Variants in STK10 observed in about 807,000 individuals in gnomAD.
STK10 encodes serine/threonine-protein kinase 10.
A neutral mutation model predicts 113.8 loss-of-function variants in STK10; 78 were observed. The observed-to-expected ratio is 0.69, with a 90% CI of 0.57 to 0.83. The LOEUF (loss-of-function observed/expected upper bound fraction) is 0.83. Ranked by LOEUF, STK10 falls within the 40% of genes least tolerant of loss-of-function variation. The probability of loss-of-function intolerance (pLI) is 0.00; values close to 1 mark genes in which losing one functional copy is unlikely to be tolerated. For synonymous variants in STK10, 465 were observed against 494.7 expected, an observed-to-expected ratio of 0.94 and a Z score of 0.80; for missense variants, 1,109 against 1,280.1, an observed-to-expected ratio of 0.87 and a Z score of 2.04.
chr5:172,106,817 G>C lies in STK10; in HGVS notation c.594-3C>G, dbSNP rs1561810340. The stretch of plus-strand genomic sequence containing the variant: ...ACATGACCACCTCGGGGGCCATCCT[G>C]AACCAACCAAGGGACAACATAGGGC... On this transcript the variant is annotated splice_region_variant and splice_polypyrimidine_tract_variant and intron_variant, in intron 5 of 18. Transcript: ENST00000176763. 6.2e-7 allele frequency: 1 copy of C among 1,613,452 alleles called. No individual in the cohort carries two copies.
chr5:172,154,258 C>T (rs1260332663), intron 2 of STK10, among the ~76,000 whole-genome samples: 1 of 152,188 alleles, frequency 6.6e-6, no homozygotes, highest in Non-Finnish European at 1.5e-5. Flanking sequence ...GTGTGCTGAT[C>T]CAAGGGTTGT....
At chr5:172,097,634 G>A (rs1233339655) in intron 7 of STK10, among the ~76,000 whole-genome samples, 1 of 152,164 alleles carries the variant, frequency 6.6e-6, no homozygotes, top group Non-Finnish European at 1.5e-5. Flanking sequence ...TATGACTACG[G>A]CACAGTTTGT....
chr5:172,071,045 T>G (rs1768167027), intron 12 of STK10, among the ~76,000 whole-genome samples: 1 of 150,980 alleles, frequency 6.6e-6, no homozygotes, highest in Non-Finnish European at 1.5e-5. Flanking sequence ...CCATGTCTAC[T>G]AAAAATACAA....
chr5:172,054,635 G>T lies in STK10; in HGVS notation c.2586C>A (p.His862Gln). 2 of 1,611,066 alleles carry T rather than the reference G, an allele frequency of 1.2e-6. No homozygotes were observed. Among genetic ancestry groups the T allele is most frequent in the Non-Finnish European group, 1.7e-6 (2 of 1,179,868 alleles). ...CCAGCATGTCCCGCATCTGGTTCTC[G>T]TGTTTCTGCTGTTGCTGCAGCCGCT... ...KSERLQQQQKHENQMRDMLAQ... is the reference protein window; with the variant it reads ...KSERLQQQQKQENQMRDMLAQ... The change falls in exon 17 of 19, where the codon CAC (histidine) becomes CAA (glutamine). Residue 862 changes from histidine to glutamine, a missense_variant. Around this residue, in one of 5 missense-constraint regions of STK10, gnomAD observed 885 missense variants for 991.1 expected, o/e 0.89. Coordinates refer to ENST00000176763, the MANE Select transcript of STK10 (RefSeq NM_005990.4).
chr5:172,141,848 G>A (rs1277268246), intron 2 of STK10, among the ~76,000 whole-genome samples: 1 of 152,202 alleles, frequency 6.6e-6, no homozygotes, highest in Non-Finnish European at 1.5e-5. Flanking sequence ...CTGGACACCT[G>A]TGTTCCATGA....
intron 2 of STK10, among the ~76,000 whole-genome samples, chr5:172,144,592 T>C (rs901044199): frequency 2.0e-5 from 3 of 151,458 alleles, no homozygotes; most frequent in Admixed American, 1.3e-4. Flanking sequence ...CTAGGCAGCC[T>C]ACACCCCCAG....
chr5:172,055,454 T>C, intron 16 of STK10, 134 bp downstream of exon 16: 2 of 957,978 alleles, frequency 2.1e-6, no homozygotes, highest in Non-Finnish European at 2.7e-6. Flanking sequence ...CCTCTCAAAG[T>C]GTTGGGATTA....
In STK10 at chr5:172,103,104, G is replaced by T. The variant is rs116775937; in HGVS notation, c.870+2552C>A. Among the ~76,000 whole-genome samples the T allele has an allele frequency of 3.9e-3, 596 of 152,352 alleles. 8 individuals carry two copies. Among genetic ancestry groups the T allele is most frequent in the African/African-American group, 0.014 (578 of 41,580 alleles). ...GAGAGCCAGGCACTTCTTGGAAGCC[G>T]GTAGACACCCTGAAGGCTGACAGCA... On this transcript the variant is annotated intron_variant, in intron 7 of 18. Transcript: ENST00000176763.
chr5:172,089,610 T>C (rs947218555), intron 10 of STK10, among the ~76,000 whole-genome samples: 5 of 151,200 alleles, frequency 3.3e-5, no homozygotes, highest in Non-Finnish European at 5.9e-5. Context: ...GGATGGGTGA[T>C]TGGGTGGATG....
chr5:172,165,089 C>A (rs1770543768), intron 1 of STK10, among the ~76,000 whole-genome samples: 1 of 152,210 alleles, frequency 6.6e-6, no homozygotes, highest in Admixed American at 6.5e-5. Flanking sequence ...GGGGCCCAGC[C>A]AGCCCAGTCA....
chr5:172,119,671 T>C (rs1298090305), intron 3 of STK10, among the ~76,000 whole-genome samples: 1 of 151,612 alleles, frequency 6.6e-6, no homozygotes, highest in African/African-American at 2.4e-5. Context: ...GAGACCATCC[T>C]GGCTAAAACG....
chr5:172,052,754 C>G (rs190624781), intron 18 of STK10, among the ~76,000 whole-genome samples, 175 bp downstream of exon 18: 1 of 152,180 alleles, frequency 6.6e-6, no homozygotes. Flanking sequence ...AGCTGCAGGG[C>G]GTTCAGCCAC....
At chr5:172,095,180 C>T (rs1282257443) in intron 8 of STK10, among the ~76,000 whole-genome samples, 1 of 152,196 alleles carries the variant, frequency 6.6e-6, no homozygotes, top group African/African-American at 2.4e-5. Context: ...TGGGTCTTGC[C>T]AGCCACCGGT....
chr5:172,186,379 T>C (rs1770954951), intron 1 of STK10, among the ~76,000 whole-genome samples: 1 of 152,064 alleles, frequency 6.6e-6, no homozygotes, highest in African/African-American at 2.4e-5. Context: ...ATCCCAACAC[T>C]TTGGGAGGCT....
intron 2 of STK10, among the ~76,000 whole-genome samples, chr5:172,130,808 A>G (rs1349854428): frequency 6.6e-6 from 1 of 152,164 alleles, no homozygotes; most frequent in East Asian, 1.9e-4. Context: ...ACAGCACAAA[A>G]GCCACACAGT....
intron 1 of STK10, among the ~76,000 whole-genome samples, chr5:172,173,195 G>A (rs981131728): frequency 6.6e-6 from 1 of 152,134 alleles, no homozygotes; most frequent in Non-Finnish European, 1.5e-5. Flanking sequence ...TGGCGGTTGT[G>A]GGGAGGGCAG....
Position 172,187,758 on chromosome 5 carries a change from GCCAGGGACC to G in STK10, c.156+120_156+128del. ...AAAAACAAGAGTCATCGGGATGAGG[GCCAGGGACC>G]CCGAATTCAGCGCCGGGCAGCCCTC... On this transcript the variant is annotated intron_variant, in intron 1 of 18. Transcript: ENST00000176763. This position sits in a 1 kb window ranked among gnomAD's most constrained non-coding sequence, Gnocchi z 4.6. 7.3e-7 allele frequency: 1 copy of G among 1,375,620 alleles called. No individual in the cohort carries two copies. The highest frequency in any genetic ancestry group is 9.8e-7 in the Non-Finnish European group (1 of 1,017,774). 85.2% of individuals were successfully genotyped at this position (1,375,620 alleles called of 1,614,324 possible).
chr5:172,099,023 C>T (rs113224965), intron 7 of STK10, among the ~76,000 whole-genome samples: 5 of 146,370 alleles, frequency 3.4e-5, no homozygotes, highest in African/African-American at 1.4e-4. Flanking sequence ...ATCATCATCA[C>T]CACCATCACC....
chr5:172,061,088 T>G, intron 14 of STK10, 51 bp downstream of exon 14: 1 of 1,551,808 alleles, frequency 6.4e-7, no homozygotes, highest in Non-Finnish European at 8.7e-7. Flanking sequence ...AGGGCTGGGA[T>G]GTCCACAGCG....
Sources: allele counts gnomAD v4.1 joint callset (sites outside exome capture counted in the v4.1 genomes callset), GRCh38; gene constraint gnomAD v4.1.1; regional missense constraint gnomAD v4.1.1; non-coding constraint Gnocchi (gnomAD v3.1); transcripts MANE v1.5; gene names NCBI Gene and HGNC (gene_info 2026-07-23, HGNC 2026-07-21).